SLC25A21: variants seen among roughly 807,000 people sequenced by gnomAD.
The protein encoded by SLC25A21 is mitochondrial 2-oxodicarboxylate carrier.
A neutral mutation model predicts 43.8 loss-of-function variants in SLC25A21; 47 were observed. That is an observed-to-expected ratio of 1.07 (90% CI 0.85 to 1.37). The LOEUF (loss-of-function observed/expected upper bound fraction) is 1.37, where lower values mean the gene tolerates loss of function less well. Ranked by LOEUF, SLC25A21 falls within the 40% of genes most tolerant of loss-of-function variation. SLC25A21 has a pLI of 0.00. For synonymous variants in SLC25A21, 131 were observed against 121.3 expected (o/e 1.08, Z -0.52); for missense variants, 352 against 350.2 (o/e 1.00, Z -0.04).
At chr14:36,951,367 C>T (rs10130699) in intron 1 of SLC25A21, among the ~76,000 whole-genome samples, 104,324 of 151,950 alleles carry the variant, frequency 0.69, 36,308 homozygotes, top group Admixed American at 0.72. Flanking sequence ...ACAGGAAATG[C>T]AGGGATTGCT....
intron 1 of SLC25A21, among the ~76,000 whole-genome samples, chr14:37,074,931 T>C (rs1052068951): frequency 1.3e-5 from 2 of 152,194 alleles, no homozygotes; most frequent in Admixed American, 6.5e-5. Context: ...GGCCTGGTAT[T>C]GGAGAGCACA....
intron 1 of SLC25A21, among the ~76,000 whole-genome samples, chr14:37,025,723 A>C (rs1961078749): frequency 6.6e-6 from 1 of 150,820 alleles, no homozygotes; most frequent in African/African-American, 2.4e-5. Context: ...ATCAAATGTC[A>C]ATCATTTTAT....
chr14:37,039,128 G>A (rs563464650), intron 1 of SLC25A21, among the ~76,000 whole-genome samples: 2 of 152,248 alleles, frequency 1.3e-5, no homozygotes, highest in East Asian at 1.9e-4. Flanking sequence ...TGAGGGGTGG[G>A]TGCCACTGTC....
At chr14:37,005,823 T>C (rs1201587350) in intron 1 of SLC25A21, among the ~76,000 whole-genome samples, 3 of 152,250 alleles carry the variant, frequency 2.0e-5, no homozygotes, top group African/African-American at 7.2e-5. Context: ...TACTTGCCTA[T>C]GAATGTGAAA....
intron 1 of SLC25A21, among the ~76,000 whole-genome samples, chr14:37,053,421 A>C (rs1284209757): frequency 6.6e-6 from 1 of 152,216 alleles, no homozygotes; most frequent in Admixed American, 6.5e-5. Context: ...TATTTTTAGA[A>C]CTAAGACCAA....
At chr14:36,970,622 A>C (rs1959728658) in intron 1 of SLC25A21, among the ~76,000 whole-genome samples, 1 of 152,222 alleles carries the variant, frequency 6.6e-6, no homozygotes, top group Admixed American at 6.5e-5. Flanking sequence ...GTAAAATAAC[A>C]AGCCAGGTTA....
Position 36,921,904 on chromosome 14 carries a change from G to T in SLC25A21, c.71-46900C>A, listed in dbSNP as rs150502610. On this transcript the variant is annotated intron_variant, in intron 1 of 9. Transcript: ENST00000331299. ...TTACACCTGTAAACCCAGCACTTTG[G>T]GAGGCCAAGATGAGTGAAACACCTG... Among the ~76,000 whole-genome samples, 753 of 152,188 alleles carry T rather than the reference G, an allele frequency of 4.9e-3. 30 individuals carry two copies. The highest frequency in any genetic ancestry group is 0.044 in the Admixed American group (668 of 15,274).
At chr14:37,044,242 TTAATAA>T (rs994101986) in intron 1 of SLC25A21, among the ~76,000 whole-genome samples, 2 of 152,176 alleles carry the variant, frequency 1.3e-5, no homozygotes, top group African/African-American at 4.8e-5. Context: ...CATTTTGTTA[TTAATAA>T]TATTTTTTAA....
chr14:37,048,738 C>T (rs770931050), intron 1 of SLC25A21, among the ~76,000 whole-genome samples: 1 of 152,166 alleles, frequency 6.6e-6, no homozygotes, highest in Non-Finnish European at 1.5e-5. Context: ...GTGAGCAAGT[C>T]TGTCTGATTG....
intron 3 of SLC25A21, among the ~76,000 whole-genome samples, chr14:36,740,589 C>G (rs539905962): frequency 1.8e-4 from 27 of 152,178 alleles, no homozygotes; most frequent in Middle Eastern, 6.8e-3. Context: ...AGATTTCTGC[C>G]AAACCCTACA....
chr14:36,928,488 C>A (rs1035256288), intron 1 of SLC25A21, among the ~76,000 whole-genome samples: 4 of 151,978 alleles, frequency 2.6e-5, no homozygotes, highest in African/African-American at 7.3e-5. Flanking sequence ...AACTTAACCA[C>A]GGCTAACTAA....
intron 1 of SLC25A21, among the ~76,000 whole-genome samples, chr14:36,908,919 G>A (rs534103643): frequency 1.3e-5 from 2 of 152,146 alleles, no homozygotes; most frequent in African/African-American, 4.8e-5. Flanking sequence ...TGAGTCTCAG[G>A]GCTTCAGTGA....
intron 1 of SLC25A21, among the ~76,000 whole-genome samples, chr14:36,894,478 T>C (rs1027049956): frequency 2.6e-5 from 4 of 152,196 alleles, no homozygotes; most frequent in African/African-American, 4.8e-5. Context: ...AATCATGTCA[T>C]CTGCAAACAG....
chr14:37,015,894 C>T (rs1227167360), intron 1 of SLC25A21, among the ~76,000 whole-genome samples: 1 of 151,862 alleles, frequency 6.6e-6, no homozygotes, highest in Non-Finnish European at 1.5e-5. Context: ...GGGTTGTTTG[C>T]TTTTTTCTTG....
intron 2 of SLC25A21, among the ~76,000 whole-genome samples, chr14:36,815,328 A>G (rs982022887): frequency 6.6e-6 from 1 of 152,124 alleles, no homozygotes; most frequent in Non-Finnish European, 1.5e-5. Context: ...CTGGAACTTA[A>G]AGTAAAAAAA....
At chr14:37,160,502 T>C (rs1963920967) in intron 1 of SLC25A21, among the ~76,000 whole-genome samples, 1 of 152,040 alleles carries the variant, frequency 6.6e-6, no homozygotes, top group African/African-American at 2.4e-5. Flanking sequence ...CACTTATACG[T>C]GGGAGCTAAA....
chr14:36,818,777 C>T (rs1299630233), intron 2 of SLC25A21, among the ~76,000 whole-genome samples: 2 of 152,200 alleles, frequency 1.3e-5, no homozygotes, highest in Non-Finnish European at 1.5e-5. Flanking sequence ...CCTTCTTCCT[C>T]TGCTCTACAT....
At chr14:36,766,340 C>A (rs1204935991) in intron 3 of SLC25A21, among the ~76,000 whole-genome samples, 1 of 152,150 alleles carries the variant, frequency 6.6e-6, no homozygotes, top group Non-Finnish European at 1.5e-5. Flanking sequence ...TTTGCAATGA[C>A]AAATGTATTT....
intron 1 of SLC25A21, among the ~76,000 whole-genome samples, chr14:36,901,899 T>C (rs189687941): frequency 7.2e-4 from 109 of 152,354 alleles, no homozygotes; most frequent in African/African-American, 2.5e-3. Context: ...GTCATCTTCA[T>C]AGCCAATTAA....
Sources: gnomAD v4.1 joint callset for allele counts (sites outside exome capture counted in the v4.1 genomes callset) on GRCh38, gnomAD v4.1.1 for gene constraint, MANE v1.5 for transcripts, NCBI Gene and HGNC (gene_info 2026-07-23, HGNC 2026-07-21) for gene names.